The following METTL16 variants were observed in gnomAD, a reference collection of about 807,000 sequenced individuals.
METTL16 encodes RNA N(6)-adenosine-methyltransferase METTL16.
METTL16 carries 19 observed loss-of-function variants against 57.9 expected under a neutral mutation model. The ratio of observed to expected loss-of-function variants is 0.33; its 90% confidence interval spans 0.23 to 0.48. The LOEUF (loss-of-function observed/expected upper bound fraction) is 0.48, where lower values mean the gene tolerates loss of function less well. METTL16 is among the 20% of genes least tolerant of loss of function. METTL16 has a pLI of 0.99. For missense variants in METTL16, 434 were observed against 691.5 expected, an observed-to-expected ratio of 0.63 and a Z score of 4.18; for synonymous variants, 246 against 255.6, an observed-to-expected ratio of 0.96 and a Z score of 0.36.
chr17:2,462,797 A>G (rs952060552), intron 6 of METTL16, among the ~76,000 whole-genome samples: 2 of 152,222 alleles, frequency 1.3e-5, no homozygotes, highest in Non-Finnish European at 2.9e-5. Context: ...ACTCAGTCTC[A>G]GGTATTTCTT....
chr17:2,457,367 TTATC>T (rs1307143118), intron 6 of METTL16, among the ~76,000 whole-genome samples: 1 of 131,458 alleles, frequency 7.6e-6, no homozygotes, highest in Non-Finnish European at 1.6e-5. Context: ...AAAAAAGTCA[TTATC>T]TAACATTTAT....
At chr17:2,427,903 C>T (rs2066831159) in intron 8 of METTL16, among the ~76,000 whole-genome samples, 1 of 147,096 alleles carries the variant, frequency 6.8e-6, no homozygotes, top group African/African-American at 2.5e-5. Context: ...CACTTGAGCC[C>T]AAGAGTTTGA....
intron 2 of METTL16, among the ~76,000 whole-genome samples, chr17:2,499,320 C>T (rs1417352043): frequency 6.9e-6 from 1 of 144,480 alleles, no homozygotes; most frequent in African/African-American, 2.6e-5. Context: ...CAAACAATGA[C>T]AAAACTATAT....
intron 2 of METTL16, among the ~76,000 whole-genome samples, chr17:2,500,428 G>C (rs922985229): frequency 6.6e-6 from 1 of 152,084 alleles, no homozygotes; most frequent in African/African-American, 2.4e-5. Flanking sequence ...TTACAGGCTT[G>C]CGCCACCACA....
intron 8 of METTL16, among the ~76,000 whole-genome samples, chr17:2,426,728 CAAAAAAAAAAA>C (rs778818177): frequency 1.1e-4 from 4 of 35,176 alleles, no homozygotes; most frequent in African/African-American, 3.1e-4. Flanking sequence ...GACTCCGTCT[CAAAAAAAAAAA>C]AAAAAAAAAA....
rs763756133 is a variant in METTL16 at position 2,420,803 on chromosome 17, A to T, written c.990T>A (p.Pro330=). The T allele has an allele frequency of 1.4e-5, 22 of 1,614,148 alleles. No individual in the cohort carries two copies. In the Admixed American group the frequency reaches 3.7e-4, roughly 27 times the overall value. ...VMKELSLKAS[P]LRSETAEGIV... is the part of the protein sequence containing the mutation. The stretch of plus-strand genomic sequence containing the variant: ...TGCCTTCCGCCGTCTCCGAGCGCAG[A>T]GGTGATGCTTTGAGGGATAATTCCT... The change falls in exon 9 of 10, where the codon CCT becomes CCA. Residue 330 remains proline, a synonymous_variant. Coordinates refer to ENST00000263092, the MANE Select transcript of METTL16 (RefSeq NM_024086.4). The surrounding 1 kb of genome is among the most constrained non-coding windows in gnomAD (Gnocchi z 5.4).
intron 8 of METTL16, chr17:2,424,392 C>A (rs977176126): frequency 1.3e-5 from 2 of 151,782 alleles, no homozygotes; most frequent in African/African-American, 4.8e-5. Flanking sequence ...GGATTACAGG[C>A]GTGAGCCACC....
In METTL16 at chr17:2,420,603, G is replaced by A; in HGVS notation, c.1063-7C>T. 1 of 1,585,534 alleles carries A rather than the reference G, an allele frequency of 6.3e-7. No homozygotes were observed. The highest frequency in any genetic ancestry group is 1.2e-5 in the South Asian group (1 of 86,486). ...GAACTCGTTTATGCTGGACCTGTTT[G>A]GAGGAAAAACAGAATTTTGTGGGAA... On this transcript the variant is annotated splice_polypyrimidine_tract_variant and splice_region_variant and intron_variant, in intron 9 of 9. Coordinates refer to ENST00000263092, the MANE Select transcript of METTL16 (RefSeq NM_024086.4). The surrounding 1 kb of genome is among the most constrained non-coding windows in gnomAD (Gnocchi z 5.4).
chr17:2,490,612 T>C (rs2151574938), intron 2 of METTL16, among the ~76,000 whole-genome samples: 1 of 152,330 alleles, frequency 6.6e-6, no homozygotes, highest in South Asian at 2.1e-4. Flanking sequence ...CTATAATGTC[T>C]GTATAGTAAA....
At chr17:2,466,906 C>T (rs1229105147) in intron 5 of METTL16, among the ~76,000 whole-genome samples, 1 of 151,876 alleles carries the variant, frequency 6.6e-6, no homozygotes, top group Non-Finnish European at 1.5e-5. Context: ...GGGCTCAAGC[C>T]TTCCTCCCAC....
intron 6 of METTL16, among the ~76,000 whole-genome samples, chr17:2,459,473 A>G (rs1345075068): frequency 2.6e-5 from 4 of 152,222 alleles, no homozygotes; most frequent in Non-Finnish European, 5.9e-5. Context: ...CGCCATCCTG[A>G]GGTCAGTCCA....
intron 2 of METTL16, among the ~76,000 whole-genome samples, chr17:2,486,664 T>A (rs188491040): frequency 3.2e-4 from 48 of 152,174 alleles, no homozygotes; most frequent in Middle Eastern, 6.8e-3. Flanking sequence ...AAGCTACTGC[T>A]ATACCTGCGT....
rs1196426646 is a variant in METTL16 at position 2,437,534 on chromosome 17, A to T, written c.888+575T>A. 5.4e-5 allele frequency among the ~76,000 whole-genome samples: 6 copies of T among 111,378 alleles called. No homozygotes were observed. The East Asian group carries it at 5.8e-4, about 11-fold the overall frequency. The allele number at this position is 111,378 out of a possible 152,430, so 73.1% of individuals were successfully genotyped here. ...TTATGTTACCTGAATTTTGTTTTTT[A>T]AAAAAATTTTTATTTATTTCATTTT... On this transcript the variant is annotated intron_variant, in intron 8 of 9. Coordinates refer to ENST00000263092, the MANE Select transcript of METTL16 (RefSeq NM_024086.4).
chr17:2,448,801 TTAAAAAAAA>T (rs1263715299), intron 6 of METTL16, among the ~76,000 whole-genome samples: 1 of 47,420 alleles, frequency 2.1e-5, no homozygotes, highest in Admixed American at 1.9e-4. Flanking sequence ...AAAATAAAAT[TTAAAAAAAA>T]AAAAAAAAAA....
rs138987641 is a variant in METTL16 at position 2,428,092 on chromosome 17, A to G, written c.889-7188T>C. Among the ~76,000 whole-genome samples the G allele has an allele frequency of 3.8e-4, 58 of 152,070 alleles. 2 individuals carry two copies. In the East Asian group the frequency reaches 0.011, roughly 29 times the overall value. On this transcript the variant is annotated intron_variant, in intron 8 of 9. Transcript: ENST00000263092. ...AAAAGAAAGGAAAGGAATCAACAAGAACTTGCAACATATTTCATCTTAAAA... is the reference window on the plus strand; with the variant it reads ...AAAAGAAAGGAAAGGAATCAACAAGGACTTGCAACATATTTCATCTTAAAA...
intron 4 of METTL16, among the ~76,000 whole-genome samples, chr17:2,473,108 G>A (rs2067245286): frequency 6.6e-6 from 1 of 151,998 alleles, no homozygotes; most frequent in South Asian, 2.1e-4. Context: ...GGATATACAG[G>A]GAATCTCTGA....
intron 2 of METTL16, among the ~76,000 whole-genome samples, chr17:2,482,197 C>T (rs1281217231): frequency 2.6e-5 from 4 of 152,216 alleles, no homozygotes; most frequent in Non-Finnish European, 5.9e-5. Context: ...TAAGTCTTCA[C>T]TTAACATTGA....
rs869134753 is a variant in METTL16 at position 2,417,085 on chromosome 17, T to TTTTTA, written c.*2884_*2885insTAAAA. The TTTTTA allele has an allele frequency of 1.4e-5, 2 of 138,356 alleles. No individual in the cohort carries two copies. The highest frequency in any genetic ancestry group is 7.5e-5 in the Admixed American group (1 of 13,372). The allele number at this position is 138,356 out of a possible 1,614,324, so 8.6% of individuals were successfully genotyped here. ...TTTTTTTTTTTTTTTTTTTTTTTTTTGAGACAGTCCCACTTTGTCGCCCAG... is the reference window on the plus strand; with the variant it reads ...TTTTTTTTTTTTTTTTTTTTTTTTTTTTTTAGAGACAGTCCCACTTTGTCGCCCAG... On this transcript the variant is annotated 3_prime_UTR_variant, in exon 10 of 10. Transcript: ENST00000263092.
intron 1 of METTL16, among the ~76,000 whole-genome samples, chr17:2,506,349 T>C (rs1214229243): frequency 6.8e-6 from 1 of 146,820 alleles, no homozygotes; most frequent in Non-Finnish European, 1.5e-5. Flanking sequence ...GAAGCTGAAC[T>C]GTGCTGCTGC....
Sources: allele counts gnomAD v4.1 joint callset (sites outside exome capture counted in the v4.1 genomes callset), GRCh38; gene constraint gnomAD v4.1.1; non-coding constraint Gnocchi (gnomAD v3.1); transcripts MANE v1.5; gene names NCBI Gene and HGNC (gene_info 2026-07-23, HGNC 2026-07-21).